GLIS3: variants seen among roughly 807,000 people sequenced by gnomAD.
GLIS3 encodes the protein zinc finger protein GLIS3.
A neutral mutation model predicts 78.6 loss-of-function variants in GLIS3; 53 were observed. That is an observed-to-expected ratio of 0.67 (90% CI 0.54 to 0.85). The LOEUF is 0.85. GLIS3 is among the 40% of genes least tolerant of loss of function. GLIS3 has a pLI of 0.00. For synonymous variants in GLIS3, 684 were observed against 509.9 expected (o/e 1.34, Z -4.60); for missense variants, 1,703 against 1,231.1 (o/e 1.38, Z -5.74).
chr9:4,211,404 T>A (rs1391695137), intron 2 of GLIS3, among the ~76,000 whole-genome samples: 1 of 152,136 alleles, frequency 6.6e-6, no homozygotes, highest in Non-Finnish European at 1.5e-5. Context: ...CAGAAAGAGA[T>A]CTATCAAGCC....
upstream of GLIS3, among the ~76,000 whole-genome samples, chr9:4,351,501 A>C (rs1817971259): frequency 6.6e-6 from 1 of 152,052 alleles, no homozygotes; most frequent in South Asian, 2.1e-4. Context: ...ACACTGAAAA[A>C]CACAAAAATA....
chr9:4,454,238 C>G, the GLIS3 span, among the ~76,000 whole-genome samples: 1 of 151,602 alleles, frequency 6.6e-6, no homozygotes, highest in Non-Finnish European at 1.5e-5. Context: ...TGCCTAGGCT[C>G]AAGGGATCCT....
At chr9:4,132,842 G>C (rs1564097038) in intron 2 of GLIS3, among the ~76,000 whole-genome samples, 1 of 152,188 alleles carries the variant, frequency 6.6e-6, no homozygotes, top group East Asian at 1.9e-4. Flanking sequence ...ATACATATTA[G>C]GGTTTGAGTC....
Position 3,891,077 on chromosome 9 carries a change from AAAAAG to A in GLIS3, c.2128+7609_2128+7613del, listed in dbSNP as rs1286942385. ...TTTCCTTCCTTCCTCAAAAAAAAAA[AAAAAG>A]AAGAAGAAGAAAGTAGGAGGAAGAG... On this transcript the variant is annotated intron_variant, in intron 7 of 10. Transcript: ENST00000381971. Among the ~76,000 whole-genome samples, 12 of 148,136 alleles carry A rather than the reference AAAAAG, an allele frequency of 8.1e-5. No homozygotes were observed. In the South Asian group the frequency reaches 2.4e-3, roughly 29 times the overall value.
intron 2 of GLIS3, among the ~76,000 whole-genome samples, chr9:4,132,339 A>C (rs1209842217): frequency 6.6e-6 from 1 of 152,192 alleles, no homozygotes; most frequent in Non-Finnish European, 1.5e-5. Context: ...CTGAACCTAG[A>C]GTTCACCTTA....
At chr9:3,892,101 G>C (rs985416529) in intron 7 of GLIS3, among the ~76,000 whole-genome samples, 2 of 152,074 alleles carry the variant, frequency 1.3e-5, no homozygotes, top group African/African-American at 4.8e-5. Context: ...GAAACGCCAG[G>C]GTAAGACTCA....
At chr9:3,925,658 G>C (rs1825171333) in intron 6 of GLIS3, among the ~76,000 whole-genome samples, 1 of 152,126 alleles carries the variant, frequency 6.6e-6, no homozygotes, top group African/African-American at 2.4e-5. Context: ...TCCTCTCCAG[G>C]CCTTGAACTG....
At chr9:4,214,177 G>A (rs1012296083) in intron 2 of GLIS3, among the ~76,000 whole-genome samples, 1 of 152,120 alleles carries the variant, frequency 6.6e-6, no homozygotes, top group Non-Finnish European at 1.5e-5. Flanking sequence ...TTAACAAAAA[G>A]TAGGATAATT....
At chr9:4,199,340 T>C (rs1430605089) in intron 2 of GLIS3, among the ~76,000 whole-genome samples, 2 of 151,912 alleles carry the variant, frequency 1.3e-5, no homozygotes, top group African/African-American at 4.8e-5. Context: ...ATGACAACCA[T>C]AGGCTCAAAG....
intron 4 of GLIS3, among the ~76,000 whole-genome samples, chr9:4,035,267 A>T (rs1824206019): frequency 6.6e-6 from 1 of 152,124 alleles, no homozygotes; most frequent in African/African-American, 2.4e-5. Context: ...TACTTGTTAG[A>T]AGATCCTACA....
chr9:3,893,821 G>T (rs1822620369), intron 7 of GLIS3, among the ~76,000 whole-genome samples: 1 of 152,158 alleles, frequency 6.6e-6, no homozygotes, highest in African/African-American at 2.4e-5. Context: ...CTGGGGGTAG[G>T]GCCCAGCAAA....
intron 1 of GLIS3, among the ~76,000 whole-genome samples, chr9:4,291,599 GGA>G (rs1433305717): frequency 6.6e-6 from 1 of 152,020 alleles, no homozygotes; most frequent in East Asian, 1.9e-4. Context: ...AAGAAAGAAA[GGA>G]GAGAAAAGGG....
chr9:4,196,425 T>A (rs1431956173), intron 2 of GLIS3, among the ~76,000 whole-genome samples: 2 of 152,208 alleles, frequency 1.3e-5, no homozygotes, highest in African/African-American at 4.8e-5. Flanking sequence ...GGAAGCTTTG[T>A]TCTTTCGCTC....
intron 2 of GLIS3, among the ~76,000 whole-genome samples, chr9:4,168,888 G>C (rs1387637648): frequency 6.6e-6 from 1 of 152,172 alleles, no homozygotes; most frequent in African/African-American, 2.4e-5. Flanking sequence ...GTTTAATCTA[G>C]ATTCTGTAAC....
At chr9:3,904,871 A>G (rs1823551998) in intron 6 of GLIS3, among the ~76,000 whole-genome samples, 1 of 152,122 alleles carries the variant, frequency 6.6e-6, no homozygotes, top group African/African-American at 2.4e-5. Context: ...GCTCTCAGAC[A>G]TTACATTATA....
At chr9:4,178,341 T>C (rs1386638409) in intron 2 of GLIS3, among the ~76,000 whole-genome samples, 1 of 151,662 alleles carries the variant, frequency 6.6e-6, no homozygotes, top group Non-Finnish European at 1.5e-5. Context: ...CAAAGGAGGG[T>C]GGAAGAGGTT....
At chr9:4,121,504 G>C (rs1245198574) in intron 3 of GLIS3, among the ~76,000 whole-genome samples, 2 of 152,080 alleles carry the variant, frequency 1.3e-5, no homozygotes, top group Non-Finnish European at 2.9e-5. Context: ...CACTCACAAA[G>C]CATTTTCCCT....
chr9:4,485,020 G>T, the GLIS3 span, among the ~76,000 whole-genome samples: 1 of 148,444 alleles, frequency 6.7e-6, no homozygotes, highest in East Asian at 2.0e-4. Flanking sequence ...TTGGGGGGGT[G>T]GGGGTGGTGG....
At chr9:3,883,700 G>T (rs1821886676) in intron 7 of GLIS3, among the ~76,000 whole-genome samples, 1 of 152,174 alleles carries the variant, frequency 6.6e-6, no homozygotes, top group African/African-American at 2.4e-5. Context: ...CATTGTCTGT[G>T]TCAACTCCGG....
Sources: gnomAD v4.1 joint callset for allele counts (sites outside exome capture counted in the v4.1 genomes callset) on GRCh38, gnomAD v4.1.1 for gene constraint, MANE v1.5 for transcripts, NCBI Gene and HGNC (gene_info 2026-07-23, HGNC 2026-07-21) for gene names.